SLC41A3: variants seen among roughly 807,000 people sequenced by gnomAD.
SLC41A3 encodes solute carrier family 41 member 3.
SLC41A3 carries 44 observed loss-of-function variants against 45.4 expected under a neutral mutation model. The observed-to-expected ratio is 0.97, with a 90% confidence interval of 0.76 to 1.25. The LOEUF is 1.25. Among genes scored for constraint, SLC41A3 ranks in the 50% most tolerant of loss-of-function variants. The pLI is 0.00. For missense variants in SLC41A3, 550 were observed against 600.6 expected, an observed-to-expected ratio of 0.92 and a Z score of 0.88; for synonymous variants, 256 against 252.4, an observed-to-expected ratio of 1.01 and a Z score of -0.13.
intron 2 of SLC41A3, among the ~76,000 whole-genome samples, chr3:126,066,587 T>C (rs1424408584): frequency 1.3e-5 from 2 of 152,204 alleles, no homozygotes; most frequent in Admixed American, 6.5e-5. Context: ...AGCATTTCCC[T>C]GTGGTACTGG....
intron 4 of SLC41A3, among the ~76,000 whole-genome samples, chr3:126,027,445 C>T (rs1941455130): frequency 6.6e-6 from 1 of 152,166 alleles, no homozygotes; most frequent in African/African-American, 2.4e-5. Flanking sequence ...TAAGCAGATG[C>T]CAGCATCATG....
chr3:126,033,135 A>C (rs1941926610), intron 4 of SLC41A3, among the ~76,000 whole-genome samples: 1 of 152,172 alleles, frequency 6.6e-6, no homozygotes, highest in African/African-American at 2.4e-5. Flanking sequence ...TTGCAGGCTG[A>C]GAAGGAGCAG....
rs1432903669 is a variant in SLC41A3, at chr3:126,068,202, G to C, written c.18C>G (p.Thr6=). The C allele has an allele frequency of 1.3e-6, 2 of 1,553,240 alleles. No individual in the cohort carries two copies. The highest frequency in any genetic ancestry group is 1.7e-6 in the Non-Finnish European group (2 of 1,151,192). Residue 6 remains threonine (T), a synonymous_variant, in exon 2 of 11, where the codon ACC becomes ACG. Coordinates refer to ENST00000360370, the MANE Select transcript of SLC41A3 (RefSeq NM_017836.4). ...CACAGCTGTCCAGCCTCCGCTGCCG[G>C]GTCTCTGTCCCATCCATCTGGGCAC... The part of the protein sequence containing the change: MDGTE[T]RQRRLDSCGK...
intron 3 of SLC41A3, among the ~76,000 whole-genome samples, chr3:126,046,488 A>G (rs1476714923): frequency 6.6e-6 from 1 of 152,194 alleles, no homozygotes; most frequent in Non-Finnish European, 1.5e-5. Context: ...AAAAGAACTA[A>G]GAAACAATAC....
At chr3:126,098,563 T>TAAGG (rs982268213) in intron 1 of SLC41A3, among the ~76,000 whole-genome samples, 46 of 152,224 alleles carry the variant, frequency 3.0e-4, no homozygotes, top group African/African-American at 1.1e-3. Context: ...GACTAATCTC[T>TAAGG]AAGGAAGGAA....
At chr3:126,098,965 C>T (rs1211191523) in intron 1 of SLC41A3, among the ~76,000 whole-genome samples, 11 of 126,910 alleles carry the variant, frequency 8.7e-5, no homozygotes, top group South Asian at 5.0e-4. Context: ...TTTGTAGAGA[C>T]GAGGTTTTGC....
rs1010165718 is a variant in SLC41A3, at chr3:126,054,860, A to T, written c.274-3810T>A. Among the ~76,000 whole-genome samples the T allele has an allele frequency of 2.0e-5, 3 of 152,072 alleles. No individual in the cohort carries two copies. The South Asian group carries it at 6.2e-4, about 31-fold the overall frequency. On this transcript the variant is annotated intron_variant, in intron 2 of 10. Coordinates refer to ENST00000360370, the MANE Select transcript of SLC41A3 (RefSeq NM_017836.4). ...GGAAGGAGCGACAAGCTCTCAGCAC[A>T]GCTCTAGGATGAGGCTATTGGGGGA... is the stretch of plus-strand genomic sequence containing the variant.
intron 1 of SLC41A3, among the ~76,000 whole-genome samples, chr3:126,081,248 T>C (rs1945135084): frequency 6.6e-6 from 1 of 152,272 alleles, no homozygotes; most frequent in South Asian, 2.1e-4. Flanking sequence ...TTCAGTGAAA[T>C]AAGCCGTGGA....
chr3:126,101,295 T>G (rs944566002), intron 1 of SLC41A3: 11 of 152,266 alleles, frequency 7.2e-5, no homozygotes, highest in African/African-American at 2.7e-4. Flanking sequence ...CAACACTTAG[T>G]GCAAAGTATG....
At chr3:126,062,799 C>T (rs962558356) in intron 2 of SLC41A3, among the ~76,000 whole-genome samples, 16 of 152,336 alleles carry the variant, frequency 1.1e-4, no homozygotes, top group African/African-American at 2.6e-4. Context: ...ATTTTACTTA[C>T]GCCCATTTAT....
At chr3:126,012,439 G>T (rs1939812254) in intron 9 of SLC41A3, among the ~76,000 whole-genome samples, 176 bp downstream of exon 9, 1 of 152,170 alleles carries the variant, frequency 6.6e-6, no homozygotes, top group Non-Finnish European at 1.5e-5. Context: ...ATTGAATGAA[G>T]GAATGAAGGA....
upstream of SLC41A3, among the ~76,000 whole-genome samples, chr3:126,088,938 C>T (rs1190876758): frequency 1.3e-5 from 2 of 152,138 alleles, no homozygotes. Flanking sequence ...AGAGGTCATT[C>T]CTGAGAGAAC....
chr3:126,040,086 G>T (rs890653958), intron 3 of SLC41A3, among the ~76,000 whole-genome samples: 5 of 152,256 alleles, frequency 3.3e-5, no homozygotes, highest in Non-Finnish European at 7.3e-5. Flanking sequence ...GAGTGCCCAA[G>T]AGCGGGTGGG....
upstream of SLC41A3, among the ~76,000 whole-genome samples, chr3:126,084,987 C>T (rs917162027): frequency 7.9e-5 from 12 of 152,196 alleles, no homozygotes; most frequent in Admixed American, 5.9e-4. Context: ...CTCTCTGAAG[C>T]CTGCTACCCT....
chr3:126,032,612 T>C (rs929424760), intron 4 of SLC41A3, among the ~76,000 whole-genome samples: 1 of 152,132 alleles, frequency 6.6e-6, no homozygotes, highest in Non-Finnish European at 1.5e-5. Flanking sequence ...ACCATCACAC[T>C]AGACTGAGTT....
At chr3:126,069,578 T>C (rs4679206) in intron 1 of SLC41A3, among the ~76,000 whole-genome samples, 103,789 of 151,920 alleles carry the variant, frequency 0.68, 35,591 homozygotes, top group Middle Eastern at 0.74. Flanking sequence ...TTTTCAACAA[T>C]AAAAATGAGA....
upstream of SLC41A3, among the ~76,000 whole-genome samples, chr3:126,086,395 TC>T: frequency 6.8e-6 from 1 of 146,500 alleles, no homozygotes; most frequent in African/African-American, 2.6e-5. Flanking sequence ...TTTTTCTTTT[TC>T]TTTGTTTTCT....
At chr3:126,067,091 C>CCACGCG (rs1944382916) in intron 2 of SLC41A3, among the ~76,000 whole-genome samples, 1 of 109,324 alleles carries the variant, frequency 9.1e-6, no homozygotes, top group African/African-American at 3.5e-5. Context: ...GTGGGTTGGA[C>CCACGCG]CGCCCCCCCG....
intron 1 of SLC41A3, among the ~76,000 whole-genome samples, chr3:126,068,735 T>C (rs928140838): frequency 2.0e-5 from 3 of 152,106 alleles, no homozygotes; most frequent in Non-Finnish European, 2.9e-5. Context: ...GCCTTGAAAA[T>C]TGACAGCCTG....
Sources: allele counts gnomAD v4.1 joint callset (sites outside exome capture counted in the v4.1 genomes callset), GRCh38; gene constraint gnomAD v4.1.1; transcripts MANE v1.5; gene names NCBI Gene and HGNC (gene_info 2026-07-23, HGNC 2026-07-21).